RBFOX1: variants seen among roughly 807,000 people sequenced by gnomAD.
RBFOX1 encodes RNA binding fox-1 homolog 1.
A neutral mutation model predicts 57.7 loss-of-function variants in RBFOX1; 8 were observed. The observed-to-expected ratio is 0.14, with a 90% CI of 0.08 to 0.25. RBFOX1 has a LOEUF of 0.25. Among genes scored for constraint, RBFOX1 ranks in the 10% least tolerant of loss-of-function variants. The pLI is 1.00. For synonymous variants in RBFOX1, 326 were observed against 222.4 expected (o/e 1.47, Z -4.15); for missense variants, 611 against 548.5 (o/e 1.11, Z -1.14).
intron 1 of RBFOX1, among the ~76,000 whole-genome samples, chr16:6,113,283 C>T (rs1442256717): frequency 6.6e-6 from 1 of 152,204 alleles, no homozygotes; most frequent in African/African-American, 2.4e-5. Flanking sequence ...AGCTTCTGCT[C>T]ACATCACTTC....
At chr16:7,608,034 A>C (rs2056691333) in intron 10 of RBFOX1, among the ~76,000 whole-genome samples, 1 of 152,210 alleles carries the variant, frequency 6.6e-6, no homozygotes, top group Non-Finnish European at 1.5e-5. Flanking sequence ...TTGGCCCGTC[A>C]CTACTGCCTG....
chr16:7,324,333 G>C (rs1022372017), intron 4 of RBFOX1, among the ~76,000 whole-genome samples: 3 of 152,204 alleles, frequency 2.0e-5, no homozygotes, highest in Non-Finnish European at 4.4e-5. Flanking sequence ...CTGGAGACCT[G>C]TGCTGTTAGG....
chr16:6,679,356 G>A (rs9938207), intron 3 of RBFOX1, among the ~76,000 whole-genome samples: 35,337 of 151,960 alleles, frequency 0.23, 4,403 homozygotes, highest in East Asian at 0.34. Flanking sequence ...ATGTTCTGAT[G>A]TTTGGGAAAT....
rs188905089 is a variant in RBFOX1 at position 7,096,919 on chromosome 16, G to A, written c.27+44821G>A. Among the ~76,000 whole-genome samples the A allele has an allele frequency of 8.5e-5, 9 of 105,938 alleles. No individual in the cohort carries two copies. The South Asian group carries it at 2.4e-3, about 28-fold the overall frequency. The allele number at this position is 105,938 out of a possible 152,430, so 69.5% of individuals were successfully genotyped here. A position where few individuals can be genotyped will look rare whatever the true frequency, so the allele number is the denominator to read the frequency against. ...TGCACTCTAGCTTGGGTGACAGAGC[G>A]AGACTCCATCTCAAAAAAAAAAAAA... is the stretch of plus-strand genomic sequence containing the variant. On this transcript the variant is annotated intron_variant, in intron 4 of 15. Coordinates refer to ENST00000550418, the MANE Select transcript of RBFOX1 (RefSeq NM_018723.4).
intron 1 of RBFOX1, among the ~76,000 whole-genome samples, chr16:6,269,469 G>A (rs1260453262): frequency 6.6e-6 from 1 of 152,106 alleles, no homozygotes; most frequent in East Asian, 1.9e-4. Context: ...TCAAGGCAAC[G>A]AAAACATCTT....
At chr16:6,282,012 C>G (rs762206061) in intron 1 of RBFOX1, among the ~76,000 whole-genome samples, 1 of 152,082 alleles carries the variant, frequency 6.6e-6, no homozygotes, top group Non-Finnish European at 1.5e-5. Flanking sequence ...AAAAATGTAC[C>G]ACTCTATAGA....
chr16:5,271,521 C>G (rs1189806666), intron 1 of RBFOX1, among the ~76,000 whole-genome samples: 2 of 152,212 alleles, frequency 1.3e-5, no homozygotes, highest in Non-Finnish European at 1.5e-5. Flanking sequence ...CCTTTCTGTC[C>G]TGAGATGTAG....
intron 4 of RBFOX1, among the ~76,000 whole-genome samples, chr16:7,180,088 T>G (rs1423110254): frequency 6.6e-6 from 1 of 152,116 alleles, no homozygotes; most frequent in African/African-American, 2.4e-5. Flanking sequence ...AGAGAAAATA[T>G]TTCTTCTTTT....
chr16:7,003,111 G>A (rs1375597378), intron 3 of RBFOX1, among the ~76,000 whole-genome samples: 1 of 152,008 alleles, frequency 6.6e-6, no homozygotes, highest in African/African-American at 2.4e-5. Context: ...TCTTGCAGGA[G>A]CATTGCGTAA....
At chr16:6,974,615 G>A (rs1374482149) in intron 3 of RBFOX1, among the ~76,000 whole-genome samples, 2 of 152,126 alleles carry the variant, frequency 1.3e-5, no homozygotes, top group Non-Finnish European at 2.9e-5. Flanking sequence ...AAAGTGCTGG[G>A]ATTACAGGCG....
At chr16:6,509,586 A>T (rs943672535) in intron 2 of RBFOX1, among the ~76,000 whole-genome samples, 1 of 152,220 alleles carries the variant, frequency 6.6e-6, no homozygotes, top group South Asian at 2.1e-4. Flanking sequence ...GGAACAAAAC[A>T]TAGTTAAAAA....
At chr16:6,902,185 T>G (rs2068659158) in intron 3 of RBFOX1, among the ~76,000 whole-genome samples, 1 of 152,204 alleles carries the variant, frequency 6.6e-6, no homozygotes, top group South Asian at 2.1e-4. Context: ...TTCTACCTCA[T>G]GTGGTTCTTG....
At chr16:5,641,357 C>T (rs1448126876) in intron 3 of RBFOX1, among the ~76,000 whole-genome samples, 1 of 152,204 alleles carries the variant, frequency 6.6e-6, no homozygotes, top group Non-Finnish European at 1.5e-5. Flanking sequence ...GAAAATTATG[C>T]AATAAACTAC....
chr16:7,138,606 C>G (rs1480152115), intron 4 of RBFOX1, among the ~76,000 whole-genome samples: 2 of 152,074 alleles, frequency 1.3e-5, no homozygotes, highest in African/African-American at 4.8e-5. Context: ...GGAAATGTAA[C>G]CCCCCATTAT....
intron 4 of RBFOX1, among the ~76,000 whole-genome samples, chr16:7,058,014 A>AAAAG (rs1306126490): frequency 6.6e-6 from 1 of 151,420 alleles, no homozygotes; most frequent in Non-Finnish European, 1.5e-5. Flanking sequence ...GGGAAAAAAA[A>AAAAG]AAAAAAAACA....
intron 4 of RBFOX1, among the ~76,000 whole-genome samples, chr16:7,362,866 T>C (rs2097356299): frequency 6.6e-6 from 1 of 152,190 alleles, no homozygotes; most frequent in South Asian, 2.1e-4. Context: ...AATGTACCAG[T>C]TAAGAGTCCA....
At chr16:6,146,187 G>C (rs145866401) in intron 1 of RBFOX1, among the ~76,000 whole-genome samples, 1 of 152,190 alleles carries the variant, frequency 6.6e-6, no homozygotes, top group Non-Finnish European at 1.5e-5. Context: ...GCTGTGGGAG[G>C]GGGTGGAGGC....
At chr16:5,538,940 G>C (rs1320764913) in intron 2 of RBFOX1, among the ~76,000 whole-genome samples, 1 of 136,766 alleles carries the variant, frequency 7.3e-6, no homozygotes, top group African/African-American at 2.5e-5. Context: ...GTAACTGCTG[G>C]GAGAGGGTTC....
chr16:7,221,375 A>T (rs11077151), intron 4 of RBFOX1, among the ~76,000 whole-genome samples: 25,228 of 150,424 alleles, frequency 0.17, 2,559 homozygotes, highest in Non-Finnish European at 0.21. Flanking sequence ...TTTTTTATTT[A>T]TTTATTTATG....
Sources: allele counts gnomAD v4.1 joint callset (sites outside exome capture counted in the v4.1 genomes callset), GRCh38; gene constraint gnomAD v4.1.1; transcripts MANE v1.5; gene names NCBI Gene and HGNC (gene_info 2026-07-23, HGNC 2026-07-21).